Variants in TCERG1L observed in about 807,000 individuals in gnomAD.
TCERG1L encodes the protein transcription elongation regulator 1 like, also known as transcription elongation regulator 1-like protein.
TCERG1L carries 37 observed loss-of-function variants against 56.3 expected under a neutral mutation model. The ratio of observed to expected loss-of-function variants is 0.66; its 90% confidence interval spans 0.51 to 0.87. The LOEUF (loss-of-function observed/expected upper bound fraction) is 0.87. Ranked by LOEUF, TCERG1L falls within the 40% of genes least tolerant of loss-of-function variation. The pLI is 0.00. For missense variants in TCERG1L, 799 were observed against 774.2 expected (o/e 1.03, Z -0.38); for synonymous variants, 324 against 326.3 (o/e 0.99, Z 0.08).
At chr10:131,292,313 G>A (rs1281292013) in intron 3 of TCERG1L, among the ~76,000 whole-genome samples, 1 of 152,142 alleles carries the variant, frequency 6.6e-6, no homozygotes, top group Admixed American at 6.5e-5. Flanking sequence ...GTCGATTGAT[G>A]GGATATTGTT....
At chr10:131,229,929 C>T (rs1368299160) in intron 4 of TCERG1L, among the ~76,000 whole-genome samples, 1 of 152,212 alleles carries the variant, frequency 6.6e-6, no homozygotes, top group Non-Finnish European at 1.5e-5. Flanking sequence ...TTTCACTGCA[C>T]TTCTCCCTTG....
chr10:131,142,647 C>T (rs575810118), intron 7 of TCERG1L, among the ~76,000 whole-genome samples: 1 of 152,332 alleles, frequency 6.6e-6, no homozygotes, highest in East Asian at 1.9e-4. Flanking sequence ...CTGTGTCCAT[C>T]ACAGGCTGCC....
Position 131,260,447 on chromosome 10 carries a change from G to C in TCERG1L, c.671-3C>G. On this transcript the variant is annotated splice_polypyrimidine_tract_variant and splice_region_variant and intron_variant, in intron 3 of 11. Coordinates refer to ENST00000368642, the MANE Select transcript of TCERG1L (RefSeq NM_174937.4). The surrounding 1 kb of genome is among the most constrained non-coding windows in gnomAD (Gnocchi z 5.8). ...CTTAAGGCTGTTATGGCAGCCACCT[G>C]CGGAAGAGGGATGCAGAGGGTCAGC... 7.1e-7 allele frequency: 1 copy of C among 1,402,938 alleles called. No individual in the cohort carries two copies. The highest frequency in any genetic ancestry group is 9.3e-7 in the Non-Finnish European group (1 of 1,077,982). 86.9% of individuals were successfully genotyped at this position (1,402,938 alleles called of 1,614,324 possible).
rs559732860 is a variant in TCERG1L at position 131,113,309 on chromosome 10, C to T, written c.1395+3490G>A. On this transcript the variant is annotated intron_variant, in intron 9 of 11. Coordinates refer to ENST00000368642, the MANE Select transcript of TCERG1L (RefSeq NM_174937.4). ...CAAAGGCACCTTCAAGGATGCTGTC[C>T]GCACAGGCACCTCCCCTTCCCTGGT... is the stretch of plus-strand genomic sequence containing the variant. 5.6e-5 allele frequency among the ~76,000 whole-genome samples: 8 copies of T among 142,358 alleles called. 2 individuals carry two copies. Among genetic ancestry groups the T allele is most frequent in the South Asian group, 5.2e-4 (2 of 3,876 alleles). 93.4% of individuals were successfully genotyped at this position (142,358 alleles called of 152,430 possible).
At chr10:131,127,718 C>T (rs1438226906) in intron 8 of TCERG1L, among the ~76,000 whole-genome samples, 4 of 152,144 alleles carry the variant, frequency 2.6e-5, no homozygotes, top group Admixed American at 6.5e-5. Context: ...CCCGGAACCA[C>T]AGACCTGGAG....
At chr10:131,251,345 T>G (rs1415690752) in intron 4 of TCERG1L, among the ~76,000 whole-genome samples, 1 of 87,052 alleles carries the variant, frequency 1.1e-5, no homozygotes, top group East Asian at 3.8e-4. Flanking sequence ...GAACAGCCCC[T>G]CTCCCTCTGC....
intron 3 of TCERG1L, among the ~76,000 whole-genome samples, chr10:131,289,144 AT>A (rs11422729): frequency 8.2e-4 from 122 of 148,358 alleles, no homozygotes; most frequent in Admixed American, 1.1e-3. Context: ...AAAAGTCTTG[AT>A]TTTTTTTTTT....
At position 131,169,391 on chromosome 10, in the gene TCERG1L, G is replaced by A. The variant is rs114877256; in HGVS notation, c.857-2506C>T. On this transcript the variant is annotated intron_variant, in intron 4 of 11. Transcript: ENST00000368642. ...CTGAGGCACAAGGGGGCACACAAAG[G>A]AAGCTGAGCCCACCGTTCCCCTGCC... Among the ~76,000 whole-genome samples, 270 of 152,246 alleles carry A rather than the reference G, an allele frequency of 1.8e-3. 1 individual carries two copies. The highest frequency in any genetic ancestry group is 6.4e-3 in the African/African-American group (264 of 41,544).
At chr10:131,285,502 A>G (rs1392401258) in intron 3 of TCERG1L, among the ~76,000 whole-genome samples, 8 of 25,568 alleles carry the variant, frequency 3.1e-4, no homozygotes, top group African/African-American at 5.8e-4. Flanking sequence ...GAAAGAAAGA[A>G]AGAAAGAAAG....
intron 8 of TCERG1L, among the ~76,000 whole-genome samples, chr10:131,127,389 C>T (rs920330360): frequency 6.6e-6 from 1 of 152,226 alleles, no homozygotes; most frequent in Non-Finnish European, 1.5e-5. Context: ...CATTCCCAGG[C>T]CAGGAGGCAG....
At chr10:131,235,579 G>T (rs1365608572) in intron 4 of TCERG1L, among the ~76,000 whole-genome samples, 1 of 152,174 alleles carries the variant, frequency 6.6e-6, no homozygotes, top group African/African-American at 2.4e-5. Context: ...CAAAACTATG[G>T]AATACTCTGG....
chr10:131,123,429 T>C (rs975649911), intron 8 of TCERG1L, among the ~76,000 whole-genome samples: 22 of 152,030 alleles, frequency 1.4e-4, no homozygotes, highest in African/African-American at 5.3e-4. Flanking sequence ...TGGGAGAACA[T>C]TCCAGACTCA....
Position 131,118,626 on chromosome 10 carries a change from G to C in TCERG1L, c.1260-1692C>G, listed in dbSNP as rs1845483574. Among the ~76,000 whole-genome samples, 2 of 152,054 alleles carry C rather than the reference G, an allele frequency of 1.3e-5. No homozygotes were observed. Among genetic ancestry groups the C allele is most frequent in the Admixed American group, 6.6e-5 (1 of 15,264 alleles). On this transcript the variant is annotated intron_variant, in intron 8 of 11. Coordinates refer to ENST00000368642, the MANE Select transcript of TCERG1L (RefSeq NM_174937.4). The surrounding 1 kb of genome is among the most constrained non-coding windows in gnomAD (Gnocchi z 4.2). Reference sequence around the variant, plus strand: ...GCAAGAATCTGCTGAGGTTGGTTCAGCCAAAACCCCCCGATCCCTGAGGTC... The same window carrying C: ...GCAAGAATCTGCTGAGGTTGGTTCACCCAAAACCCCCCGATCCCTGAGGTC...
intron 4 of TCERG1L, among the ~76,000 whole-genome samples, chr10:131,246,249 A>G (rs1406453111): frequency 6.6e-6 from 1 of 152,154 alleles, no homozygotes; most frequent in African/African-American, 2.4e-5. Flanking sequence ...GGGTGGCACG[A>G]GCTGAGTGCT....
chr10:131,248,634 C>T (rs527783087), intron 4 of TCERG1L, among the ~76,000 whole-genome samples: 2 of 152,320 alleles, frequency 1.3e-5, no homozygotes, highest in East Asian at 3.9e-4. Flanking sequence ...TAGTTCGGGA[C>T]AGGCAGGAAC....
At chr10:131,094,345 T>A (rs755900077) in intron 11 of TCERG1L, among the ~76,000 whole-genome samples, 1 of 152,178 alleles carries the variant, frequency 6.6e-6, no homozygotes, top group Non-Finnish European at 1.5e-5. Flanking sequence ...TTCTTCTTAT[T>A]CCCTCCCACT....
At chr10:131,264,335 G>A (rs1052040712) in intron 3 of TCERG1L, among the ~76,000 whole-genome samples, 3 of 152,226 alleles carry the variant, frequency 2.0e-5, no homozygotes, top group African/African-American at 7.2e-5. Flanking sequence ...GTGGGCTCCT[G>A]GGTCGGGAAG....
intron 6 of TCERG1L, chr10:131,161,683 C>T (rs1845978911): frequency 1.3e-5 from 2 of 152,358 alleles, no homozygotes; most frequent in African/African-American, 4.8e-5. Flanking sequence ...GAAACACCAA[C>T]CACGTGACTG....
Position 131,092,449 on chromosome 10 carries a change from A to G in TCERG1L, c.*713T>C, listed in dbSNP as rs1223002642. 1 of 152,676 alleles carries G rather than the reference A, an allele frequency of 6.5e-6. No homozygotes were observed. The highest frequency in any genetic ancestry group is 2.4e-5 in the African/African-American group (1 of 41,464). 9.5% of individuals were successfully genotyped at this position (152,676 alleles called of 1,614,324 possible). ...AAAAATTTTTTATACAAAGGTGATG[A>G]GAAAAAATCTCATGCAAACTCCGGG... On this transcript the variant is annotated 3_prime_UTR_variant, in exon 12 of 12. Coordinates refer to ENST00000368642, the MANE Select transcript of TCERG1L (RefSeq NM_174937.4).
Sources: gnomAD v4.1 joint callset for allele counts (sites outside exome capture counted in the v4.1 genomes callset) on GRCh38, gnomAD v4.1.1 for gene constraint, Gnocchi (gnomAD v3.1) non-coding constraint, MANE v1.5 for transcripts, NCBI Gene and HGNC (gene_info 2026-07-23, HGNC 2026-07-21) for gene names.